MEIS2: variants seen among roughly 807,000 people sequenced by gnomAD.
MEIS2 encodes homeobox protein Meis2.
In MEIS2, 9 loss-of-function variants were observed where a neutral mutation model predicts 58.6. The observed-to-expected ratio is 0.15, with a 90% CI of 0.09 to 0.27. The LOEUF is 0.27. Among genes scored for constraint, MEIS2 ranks in the 10% least tolerant of loss-of-function variants. The probability of loss-of-function intolerance (pLI) is 1.00; values close to 1 mark genes in which losing one functional copy is unlikely to be tolerated. For missense variants in MEIS2, 427 were observed against 635.0 expected (o/e 0.67, Z 3.52); for synonymous variants, 221 against 228.4 (o/e 0.97, Z 0.29).
chr15:37,069,211 T>G (rs886341986), intron 7 of MEIS2, among the ~76,000 whole-genome samples: 1 of 152,306 alleles, frequency 6.6e-6, no homozygotes, highest in Admixed American at 6.5e-5. Context: ...AGTGCATGTG[T>G]GTAGAAACAT....
chr15:37,096,070 A>C (rs1469499213), intron 3 of MEIS2: 1 of 511,194 alleles, frequency 2.0e-6, no homozygotes, highest in Non-Finnish European at 3.4e-6. Flanking sequence ...TCGAGGGTCG[A>C]CCCCTGTATT....
At chr15:37,036,219 G>A (rs950211305) in intron 8 of MEIS2, among the ~76,000 whole-genome samples, 6 of 152,232 alleles carry the variant, frequency 3.9e-5, no homozygotes, top group Non-Finnish European at 7.4e-5. Context: ...TAAGATAATG[G>A]ACTTGAGCAG....
rs567889655 is a variant in MEIS2 at position 36,892,486 on chromosome 15, C to T, written c.1148-27G>A. ...TGAAAATAGAGAGGGAAAAAGAAAGCGGGTCAAATTCCTAAACATTTTTAT... is the reference window on the plus strand; with the variant it reads ...TGAAAATAGAGAGGGAAAAAGAAAGTGGGTCAAATTCCTAAACATTTTTAT... On this transcript the variant is annotated intron_variant, in intron 11 of 11. Transcript: ENST00000561208. 3.2e-6 allele frequency: 5 copies of T among 1,566,932 alleles called. No individual in the cohort carries two copies. In the South Asian group the frequency reaches 3.4e-5, roughly 11 times the overall value.
At chr15:37,089,243 A>C (rs1317607521) in intron 6 of MEIS2, among the ~76,000 whole-genome samples, 1 of 152,148 alleles carries the variant, frequency 6.6e-6, no homozygotes, top group African/African-American at 2.4e-5. Flanking sequence ...ACTAGCAAAT[A>C]AAATAAAGCA....
At chr15:37,061,190 T>C (rs1040095278) in intron 7 of MEIS2, among the ~76,000 whole-genome samples, 12 of 152,110 alleles carry the variant, frequency 7.9e-5, no homozygotes, top group Non-Finnish European at 1.6e-4. Flanking sequence ...ATAAACCTTC[T>C]CACTGGGTGC....
intron 9 of MEIS2, among the ~76,000 whole-genome samples, chr15:36,906,653 A>C (rs1056829971): frequency 1.5e-4 from 11 of 72,392 alleles, no homozygotes; most frequent in African/African-American, 4.6e-4. Flanking sequence ...CCACTCAAGA[A>C]AAAAAAAAAA....
chr15:37,012,671 C>T (rs949922491), intron 8 of MEIS2, among the ~76,000 whole-genome samples: 6 of 152,148 alleles, frequency 3.9e-5, no homozygotes, highest in Non-Finnish European at 7.3e-5. Flanking sequence ...ACCTAGGGTA[C>T]TACTATATGG....
chr15:37,009,206 A>G (rs571040665), intron 8 of MEIS2, among the ~76,000 whole-genome samples: 130 of 152,202 alleles, frequency 8.5e-4, no homozygotes, highest in South Asian at 2.1e-3. Flanking sequence ...AGAGAATGGC[A>G]TGAACCTGGG....
chr15:37,041,862 A>G (rs940056221), intron 7 of MEIS2, among the ~76,000 whole-genome samples: 41 of 152,360 alleles, frequency 2.7e-4, no homozygotes, highest in African/African-American at 9.9e-4. Flanking sequence ...ATTCTCATTC[A>G]TAAAATTCAT....
chr15:36,910,487 T>A (rs1000226633), intron 9 of MEIS2, among the ~76,000 whole-genome samples: 1 of 152,122 alleles, frequency 6.6e-6, no homozygotes, highest in African/African-American at 2.4e-5. Context: ...TTGTTCAGAT[T>A]TTGAGGGGCA....
intron 7 of MEIS2, among the ~76,000 whole-genome samples, chr15:37,070,407 G>T (rs1890541455): frequency 1.3e-5 from 2 of 152,124 alleles, no homozygotes; most frequent in South Asian, 4.1e-4. Context: ...TTTCCAGAGT[G>T]TGTTCTGAGA....
In MEIS2 at chr15:36,921,879, A is replaced by G. The variant is rs150466276; in HGVS notation, c.978-25193T>C. Among the ~76,000 whole-genome samples the G allele has an allele frequency of 2.6e-5, 4 of 152,338 alleles. No homozygotes were observed. The East Asian group carries it at 7.7e-4, about 29-fold the overall frequency. ...ACCAAAGGAAGCCAAATGATGATTT[A>G]AACATCGACTTAGTTTGCCCTTACG... On this transcript the variant is annotated intron_variant, in intron 9 of 11. Transcript: ENST00000561208.
chr15:36,896,887 A>C, intron 9 of MEIS2: 1 of 534,764 alleles, frequency 1.9e-6, no homozygotes, highest in Admixed American at 3.3e-5. Flanking sequence ...CAACTCCAAA[A>C]CAACTTGCTA....
At chr15:37,030,709 G>A (rs62045808) in intron 8 of MEIS2, among the ~76,000 whole-genome samples, 21,402 of 151,740 alleles carry the variant, frequency 0.14, 2,166 homozygotes, top group Non-Finnish European at 0.2. Flanking sequence ...CTGGAGTACA[G>A]TGCCGTGATC....
rs60599836 is a variant in MEIS2 at position 37,086,598 on chromosome 15, A to T, written c.640-2713T>A. Among the ~76,000 whole-genome samples, 25 of 152,280 alleles carry T rather than the reference A, an allele frequency of 1.6e-4. No individual in the cohort carries two copies. In the East Asian group the frequency reaches 3.3e-3, roughly 20 times the overall value. ...CTCTTTTCTTTCTCACTCTTTAAAA[A>T]TGCTCTCCTGAAAAAGTGTCATGTT... On this transcript the variant is annotated intron_variant, in intron 6 of 11. Transcript: ENST00000561208.
At chr15:36,952,223 A>T (rs144492530) in intron 8 of MEIS2, among the ~76,000 whole-genome samples, 1 of 152,184 alleles carries the variant, frequency 6.6e-6, no homozygotes, top group African/African-American at 2.4e-5. Context: ...ATTTTAATGG[A>T]CTGAAAACAC....
At chr15:37,019,165 C>T (rs2061443115) in intron 8 of MEIS2, among the ~76,000 whole-genome samples, 1 of 152,162 alleles carries the variant, frequency 6.6e-6, no homozygotes, top group Admixed American at 6.5e-5. Context: ...CAATCTGACC[C>T]ATTTTACAGA....
At chr15:37,077,160 C>CA (rs1422794923) in intron 7 of MEIS2, among the ~76,000 whole-genome samples, 4 of 152,126 alleles carry the variant, frequency 2.6e-5, no homozygotes, top group Admixed American at 2.0e-4. Context: ...AGTGACATAT[C>CA]AAAGCTCAAG....
intron 8 of MEIS2, among the ~76,000 whole-genome samples, chr15:36,991,786 T>TTC (rs1555445043): frequency 3.4e-5 from 4 of 116,454 alleles, no homozygotes; most frequent in Non-Finnish European, 5.4e-5. Flanking sequence ...TTTTTTTCTT[T>TTC]TTTTTTTTTT....
Sources: gnomAD v4.1 joint callset for allele counts (sites outside exome capture counted in the v4.1 genomes callset) on GRCh38, gnomAD v4.1.1 for gene constraint, MANE v1.5 for transcripts, NCBI Gene and HGNC (gene_info 2026-07-23, HGNC 2026-07-21) for gene names.